The following ZNF578 variants were observed in gnomAD, a reference collection of about 807,000 sequenced individuals.
ZNF578 encodes the protein Putative chemokine-related protein B42.
In ZNF578, 8 loss-of-function variants were observed where a neutral mutation model predicts 8.3. That is an observed-to-expected ratio of 0.96 (90% CI 0.56 to 1.74). ZNF578 has a LOEUF of 1.74. Ranked by LOEUF, ZNF578 falls within the 40% of genes most tolerant of loss-of-function variation. The pLI, the probability that ZNF578 is intolerant of heterozygous loss-of-function variation, is 0.00. For missense variants in ZNF578, 726 were observed against 707.5 expected (o/e 1.03, Z -0.30); for synonymous variants, 206 against 232.2 (o/e 0.89, Z 1.03).
Position 52,492,193 on chromosome 19 carries a change from G to T in ZNF578, c.-20+768G>T, listed in dbSNP as rs1433756689. Among the ~76,000 whole-genome samples the T allele has an allele frequency of 5.5e-5, 8 of 146,080 alleles. No individual in the cohort carries two copies. In the South Asian group the frequency reaches 1.5e-3, roughly 28 times the overall value. The stretch of plus-strand genomic sequence containing the variant: ...AAAAAAAAAAAAAAAAAAAAAAAGG[G>T]AGGGAGAGACGAGGAAGGGAGCCCT... On this transcript the variant is annotated intron_variant, in intron 3 of 5. Coordinates refer to ENST00000421239, the MANE Select transcript of ZNF578 (RefSeq NM_001099694.2).
At chr19:52,475,563 T>C (rs952923973) in intron 2 of ZNF578, among the ~76,000 whole-genome samples, 1 of 152,122 alleles carries the variant, frequency 6.6e-6, no homozygotes, top group Non-Finnish European at 1.5e-5. Flanking sequence ...TTCACCATGT[T>C]GGTCAGGCTG....
chr19:52,505,783 G>C (rs1005931491), intron 5 of ZNF578, among the ~76,000 whole-genome samples: 1 of 152,182 alleles, frequency 6.6e-6, no homozygotes, highest in Non-Finnish European at 1.5e-5. Context: ...AACCCTGTAA[G>C]AGATATGGTT....
chr19:52,514,304 A>AT lies in ZNF578; in HGVS notation c.*2157dup, dbSNP rs2059463727. Among the ~76,000 whole-genome samples, 2 of 152,068 alleles carry AT rather than the reference A, an allele frequency of 1.3e-5. No homozygotes were observed. Among genetic ancestry groups the AT allele is most frequent in the African/African-American group, 4.8e-5 (2 of 41,390 alleles). On this transcript the variant is annotated 3_prime_UTR_variant, in exon 6 of 6. Coordinates refer to ENST00000421239, the MANE Select transcript of ZNF578 (RefSeq NM_001099694.2). ...TCCGGTTGACCCCAAAATTCGTGAG[A>AT]TTTTTTTCCTACAACAATTTCAAAA... is the stretch of plus-strand genomic sequence containing the variant.
chr19:52,476,123 T>C (rs1049565593), intron 2 of ZNF578, among the ~76,000 whole-genome samples: 1 of 150,368 alleles, frequency 6.7e-6, no homozygotes, highest in Middle Eastern at 3.4e-3. Context: ...AAAAAAACAA[T>C]CCTTAAGATC....
chr19:52,505,087 A>G (rs1249905212), intron 5 of ZNF578, among the ~76,000 whole-genome samples: 2 of 152,036 alleles, frequency 1.3e-5, no homozygotes, highest in African/African-American at 4.8e-5. Context: ...GGGTTTCTCC[A>G]TGTTGGTCAG....
At chr19:52,486,283 T>C (rs945792993) in intron 2 of ZNF578, among the ~76,000 whole-genome samples, 11 of 152,150 alleles carry the variant, frequency 7.2e-5, no homozygotes, top group Non-Finnish European at 1.3e-4. Flanking sequence ...ACCCTATTGT[T>C]CTGCCACATC....
In ZNF578 at chr19:52,483,149, C is replaced by T. The variant is rs150432648; in HGVS notation, c.-121-8175C>T. On this transcript the variant is annotated intron_variant, in intron 2 of 5. Coordinates refer to ENST00000421239, the MANE Select transcript of ZNF578 (RefSeq NM_001099694.2). ...CAGTAGTCCTGGCCGTGCGCGGTGG[C>T]TCACACTTGTAATCCCAGCACTTTG... is the stretch of plus-strand genomic sequence containing the variant. Among the ~76,000 whole-genome samples the T allele has an allele frequency of 8.6e-3, 1,305 of 152,184 alleles. 12 individuals carry two copies. The highest frequency in any genetic ancestry group is 0.028 in the African/African-American group (1,162 of 41,516).
chr19:52,476,941 C>T (rs1165938227), intron 2 of ZNF578, among the ~76,000 whole-genome samples: 1 of 152,208 alleles, frequency 6.6e-6, no homozygotes, highest in African/African-American at 2.4e-5. Context: ...GTTGTGCTCC[C>T]AAACCCTTTG....
chr19:52,513,546 C>T lies in ZNF578; in HGVS notation c.*1392C>T, dbSNP rs956970530. Among the ~76,000 whole-genome samples, 6 of 151,372 alleles carry T rather than the reference C, an allele frequency of 4.0e-5. No individual in the cohort carries two copies. The highest frequency in any genetic ancestry group is 7.4e-5 in the Non-Finnish European group (5 of 67,884). ...GAGATTGAGACCGTCCTGGCTAACA[C>T]GGTGAAACCTCGTCTCTACTAAAAA... On this transcript the variant is annotated 3_prime_UTR_variant, in exon 6 of 6. Coordinates refer to ENST00000421239, the MANE Select transcript of ZNF578 (RefSeq NM_001099694.2).
rs1489264173 is a variant in ZNF578, at chr19:52,516,121, ATTG to A, written c.*3969_*3971del. 2.6e-5 allele frequency among the ~76,000 whole-genome samples: 4 copies of A among 151,632 alleles called. No individual in the cohort carries two copies. Among genetic ancestry groups the A allele is most frequent in the Admixed American group, 6.6e-5 (1 of 15,212 alleles). ...ATCAAAACCCTTCCTGTCTCAGGTC[ATTG>A]TCCCTGCTCTTACCCTATGTACCCT... is the stretch of plus-strand genomic sequence containing the variant. On this transcript the variant is annotated 3_prime_UTR_variant, in exon 6 of 6. Transcript: ENST00000421239.
rs2059440938 is a variant in ZNF578 at position 52,510,597 on chromosome 19, G to A, written c.216G>A (p.Lys72=). The A allele has an allele frequency of 6.5e-7, 1 of 1,549,408 alleles. No individual in the cohort carries two copies. The highest frequency in any genetic ancestry group is 1.4e-5 in the African/African-American group (1 of 72,316). The change falls in exon 6 of 6, where the codon AAG becomes AAA. Residue 72 remains lysine (K), a synonymous_variant. Transcript: ENST00000421239. ...ATATCTCTTCCAAACGCATGATGAA[G>A]GAGGTCTTGTCAACAGGGCAAGGCA... ...AVDISSKRMM[K]EVLSTGQGNT...
At chr19:52,486,971 A>G (rs1419526869) in intron 2 of ZNF578, among the ~76,000 whole-genome samples, 1 of 151,926 alleles carries the variant, frequency 6.6e-6, no homozygotes, top group Non-Finnish European at 1.5e-5. Context: ...AAAGAAAAGA[A>G]AACAAGAGCT....
intron 2 of ZNF578, among the ~76,000 whole-genome samples, chr19:52,483,787 C>G (rs1434092879): frequency 6.6e-6 from 1 of 152,182 alleles, no homozygotes; most frequent in Non-Finnish European, 1.5e-5. Flanking sequence ...TAATTGCACC[C>G]TCCGACACTG....
In ZNF578 at chr19:52,511,938, T is replaced by C; in HGVS notation, c.1557T>C (p.Thr519=). ...KPYKCNECGK[T]FNVQSHLSRH... Reference sequence around the variant, plus strand: ...ACAAGTGTAATGAATGTGGGAAGACTTTTAATGTACAGTCACACCTTTCAC... The same window carrying C: ...ACAAGTGTAATGAATGTGGGAAGACCTTTAATGTACAGTCACACCTTTCAC... The change falls in exon 6 of 6, where the codon ACT becomes ACC. Residue 519 remains threonine, a synonymous_variant. Coordinates refer to ENST00000421239, the MANE Select transcript of ZNF578 (RefSeq NM_001099694.2). 6.2e-7 allele frequency: 1 copy of C among 1,613,962 alleles called. No homozygotes were observed. Among genetic ancestry groups the C allele is most frequent in the Non-Finnish European group, 8.5e-7 (1 of 1,179,974 alleles).
intron 2 of ZNF578, among the ~76,000 whole-genome samples, chr19:52,489,423 C>T (rs1005140887): frequency 2.0e-5 from 3 of 151,384 alleles, no homozygotes; most frequent in Admixed American, 2.0e-4. Context: ...AACCTCGTCT[C>T]TATAAAACTA....
chr19:52,494,788 T>G (rs930238762), intron 3 of ZNF578, among the ~76,000 whole-genome samples: 4 of 151,934 alleles, frequency 2.6e-5, no homozygotes, highest in Non-Finnish European at 4.4e-5. Context: ...GGGGCAGTGA[T>G]GTGGAAAAAA....
At chr19:52,481,560 C>T (rs2059326516) in intron 2 of ZNF578, among the ~76,000 whole-genome samples, 1 of 152,060 alleles carries the variant, frequency 6.6e-6, no homozygotes, top group Non-Finnish European at 1.5e-5. Context: ...AAGACATGTA[C>T]AATCTATAAA....
rs1416152109 is a variant in ZNF578 at position 52,459,614 on chromosome 19, C to T, written c.-122+2656C>T. Among the ~76,000 whole-genome samples the T allele has an allele frequency of 8.6e-3, 94 of 10,954 alleles. 1 individual carries two copies. Among genetic ancestry groups the T allele is most frequent in the East Asian group, 0.067 (88 of 1,310 alleles). The allele number at this position is 10,954 out of a possible 152,430, so 7.2% of individuals were successfully genotyped here. ...CTTTCAAGTCTTTAATGTGTATGTA[C>T]ACACACACACACACACACACACACA... On this transcript the variant is annotated intron_variant, in intron 2 of 5. Coordinates refer to ENST00000421239, the MANE Select transcript of ZNF578 (RefSeq NM_001099694.2).
At chr19:52,467,617 T>A (rs2059279497) in intron 2 of ZNF578, among the ~76,000 whole-genome samples, 1 of 150,752 alleles carries the variant, frequency 6.6e-6, no homozygotes, top group Non-Finnish European at 1.5e-5. Flanking sequence ...ACCCCAGCTC[T>A]TAAAAAAGAA....
Sources: gnomAD v4.1 joint callset for allele counts (sites outside exome capture counted in the v4.1 genomes callset) on GRCh38, gnomAD v4.1.1 for gene constraint, MANE v1.5 for transcripts, NCBI Gene and HGNC (gene_info 2026-07-23, HGNC 2026-07-21) for gene names.